Variants in PELI2 observed in about 807,000 individuals in gnomAD.
PELI2 encodes the protein E3 ubiquitin-protein ligase pellino homolog 2.
Under a neutral mutation model 42.3 loss-of-function variants are expected in PELI2, and 23 were observed. The observed-to-expected ratio is 0.54, with a 90% CI of 0.39 to 0.77. The LOEUF (loss-of-function observed/expected upper bound fraction) is 0.77. PELI2 is among the 30% of genes least tolerant of loss of function. The pLI, the probability that PELI2 is intolerant of heterozygous loss-of-function variation, is 0.00. For missense variants in PELI2, 463 were observed against 553.2 expected, an observed-to-expected ratio of 0.84 and a Z score of 1.64; for synonymous variants, 245 against 212.2, an observed-to-expected ratio of 1.15 and a Z score of -1.34.
At chr14:56,140,221 C>T (rs1305588744) in intron 1 of PELI2, among the ~76,000 whole-genome samples, 3 of 151,764 alleles carry the variant, frequency 2.0e-5, no homozygotes, top group Admixed American at 6.5e-5. Context: ...TCATGAATGT[C>T]GTCAGGACTT....
intron 2 of PELI2, among the ~76,000 whole-genome samples, chr14:56,247,870 C>T (rs971112819): frequency 1.1e-4 from 16 of 152,198 alleles, no homozygotes; most frequent in African/African-American, 3.6e-4. Flanking sequence ...GTAATCTTTG[C>T]TACCCAGTCT....
chr14:56,193,382 T>G (rs1454388664), intron 2 of PELI2, among the ~76,000 whole-genome samples: 1 of 152,114 alleles, frequency 6.6e-6, no homozygotes, highest in African/African-American at 2.4e-5. Context: ...TTTATTTTGC[T>G]AAAACCCTGA....
intron 1 of PELI2, among the ~76,000 whole-genome samples, chr14:56,122,671 G>C (rs556217269): frequency 1.3e-5 from 2 of 152,090 alleles, no homozygotes; most frequent in South Asian, 2.1e-4. Flanking sequence ...CTTAACCTAG[G>C]GTCCACAGAT....
At chr14:56,152,548 A>C (rs1884402553) in intron 1 of PELI2, among the ~76,000 whole-genome samples, 1 of 152,070 alleles carries the variant, frequency 6.6e-6, no homozygotes, top group Non-Finnish European at 1.5e-5. Flanking sequence ...ACTTACTATA[A>C]TTATTGAAGG....
rs983583240 is a variant in PELI2, at chr14:56,202,932, A to C, written c.207+24468A>C. Among the ~76,000 whole-genome samples the C allele has an allele frequency of 3.9e-5, 6 of 152,330 alleles. No individual in the cohort carries two copies. The South Asian group carries it at 1.2e-3, about 32-fold the overall frequency. Reference sequence around the variant, plus strand: ...AAGGCAGGGAAGTTGCCCTTTATTAAAAGAGATTAAAGAGGTAGAACAACC... The same window carrying C: ...AAGGCAGGGAAGTTGCCCTTTATTACAAGAGATTAAAGAGGTAGAACAACC... On this transcript the variant is annotated intron_variant, in intron 2 of 5. Transcript: ENST00000267460.
intron 2 of PELI2, among the ~76,000 whole-genome samples, chr14:56,249,348 C>T (rs1888267230): frequency 6.6e-6 from 1 of 152,132 alleles, no homozygotes; most frequent in African/African-American, 2.4e-5. Context: ...GCCCATCCAC[C>T]CTCATCACAT....
chr14:56,252,832 A>G (rs924809630), intron 2 of PELI2, among the ~76,000 whole-genome samples: 29 of 152,312 alleles, frequency 1.9e-4, no homozygotes, highest in African/African-American at 6.7e-4. Flanking sequence ...ATAGAAAAAG[A>G]GGGACTCCTC....
At chr14:56,152,876 T>A (rs750763137) in intron 1 of PELI2, among the ~76,000 whole-genome samples, 2 of 152,202 alleles carry the variant, frequency 1.3e-5, no homozygotes, top group Admixed American at 6.5e-5. Context: ...TTAGTGGGAA[T>A]GTAGGCAATA....
chr14:56,137,578 G>A (rs1182674143), intron 1 of PELI2, among the ~76,000 whole-genome samples: 4 of 152,182 alleles, frequency 2.6e-5, no homozygotes, highest in Non-Finnish European at 4.4e-5. Flanking sequence ...GAGCAATGTA[G>A]AAAAGTGCGT....
Position 56,288,186 on chromosome 14 carries a change from G to GGT in PELI2, c.310-250_310-249insTG, listed in dbSNP as rs1402616782. Among the ~76,000 whole-genome samples the GGT allele has an allele frequency of 6.6e-6, 1 of 152,016 alleles. No homozygotes were observed. The highest frequency in any genetic ancestry group is 2.4e-5 in the African/African-American group (1 of 41,392). ...GCATTATGTGCTCAAATATTTCAGA[G>GGT]GATACATCTCATATTATATTCTTAG... On this transcript the variant is annotated intron_variant, in intron 3 of 5. Transcript: ENST00000267460. The surrounding 1 kb of genome is among the most constrained non-coding windows in gnomAD (Gnocchi z 4.6).
chr14:56,151,635 T>C (rs2139622311), intron 1 of PELI2, among the ~76,000 whole-genome samples: 1 of 152,334 alleles, frequency 6.6e-6, no homozygotes, highest in East Asian at 1.9e-4. Flanking sequence ...GGTTCTCTTC[T>C]CTTAGATGAG....
intron 2 of PELI2, among the ~76,000 whole-genome samples, chr14:56,182,348 T>C (rs377416044): frequency 1.3e-5 from 2 of 152,196 alleles, no homozygotes; most frequent in African/African-American, 4.8e-5. Flanking sequence ...TCAGTTTATG[T>C]GTTCGTTTAC....
At chr14:56,198,743 A>G (rs1243551127) in intron 2 of PELI2, among the ~76,000 whole-genome samples, 2 of 152,166 alleles carry the variant, frequency 1.3e-5, no homozygotes, top group African/African-American at 2.4e-5. Flanking sequence ...ATAGGAGAGC[A>G]TGCTTATATG....
intron 1 of PELI2, among the ~76,000 whole-genome samples, chr14:56,125,338 T>C (rs1400620764): frequency 7.2e-6 from 1 of 139,622 alleles, no homozygotes; most frequent in Admixed American, 7.8e-5. Flanking sequence ...AGCAAAGGAG[T>C]AGATAAAAAA....
intron 2 of PELI2, among the ~76,000 whole-genome samples, chr14:56,209,716 G>A (rs1028841962): frequency 2.0e-5 from 3 of 152,146 alleles, no homozygotes; most frequent in Admixed American, 2.0e-4. Context: ...TGAGACTAAC[G>A]CATTTGAGAA....
At chr14:56,195,949 C>A (rs143577307) in intron 2 of PELI2, among the ~76,000 whole-genome samples, 8 of 152,296 alleles carry the variant, frequency 5.3e-5, no homozygotes, top group Non-Finnish European at 1.2e-4. Context: ...TCCCAGCTGG[C>A]AGGATGTGGC....
chr14:56,292,026 C>T (rs543865788), intron 5 of PELI2, among the ~76,000 whole-genome samples: 115 of 152,192 alleles, frequency 7.6e-4, no homozygotes, highest in Admixed American at 1.8e-3. Flanking sequence ...GCGCCTTTGT[C>T]CAGGAGGGCA....
In PELI2 at chr14:56,157,166, A is replaced by G. The variant is rs140452952; in HGVS notation, c.78-21169A>G. Among the ~76,000 whole-genome samples the G allele has an allele frequency of 3.9e-5, 6 of 152,336 alleles. No individual in the cohort carries two copies. In the East Asian group the frequency reaches 1.2e-3, roughly 29 times the overall value. On this transcript the variant is annotated intron_variant, in intron 1 of 5. Coordinates refer to ENST00000267460, the MANE Select transcript of PELI2 (RefSeq NM_021255.3). ...ACTAAAATTAACTTCTAGGTAATAT[A>G]CTTTTGTAACACTGGAGAGTTGGTT...
intron 2 of PELI2, among the ~76,000 whole-genome samples, chr14:56,216,010 C>G (rs1027766982): frequency 7.2e-5 from 11 of 152,140 alleles, no homozygotes; most frequent in African/African-American, 2.7e-4. Flanking sequence ...CAGTACTACT[C>G]AGGAATTTGC....
Sources: gnomAD v4.1 joint callset for allele counts (sites outside exome capture counted in the v4.1 genomes callset) on GRCh38, gnomAD v4.1.1 for gene constraint, Gnocchi (gnomAD v3.1) non-coding constraint, MANE v1.5 for transcripts, NCBI Gene and HGNC (gene_info 2026-07-23, HGNC 2026-07-21) for gene names.